Variants in CDK14 observed in about 807,000 individuals in gnomAD.
The protein encoded by CDK14 is cyclin dependent kinase 14.
In CDK14, 34 loss-of-function variants were observed where a neutral mutation model predicts 60.7. That is an observed-to-expected ratio of 0.56 (90% CI 0.43 to 0.75). The LOEUF (loss-of-function observed/expected upper bound fraction) is 0.75. Among genes scored for constraint, CDK14 ranks in the 30% least tolerant of loss-of-function variants. The probability of loss-of-function intolerance (pLI) is 0.00; values close to 1 mark genes in which losing one functional copy is unlikely to be tolerated. For synonymous variants in CDK14, 197 were observed against 203.7 expected (o/e 0.97, Z 0.28); for missense variants, 482 against 564.1 (o/e 0.85, Z 1.47).
chr7:90,843,853 T>C (rs532922533), intron 5 of CDK14, among the ~76,000 whole-genome samples: 1 of 152,290 alleles, frequency 6.6e-6, no homozygotes, highest in Non-Finnish European at 1.5e-5. Flanking sequence ...CCTCAGATAA[T>C]GGAGTTTTTG....
At chr7:90,667,211 C>T (rs1030174843) in intron 2 of CDK14, among the ~76,000 whole-genome samples, 13 of 152,078 alleles carry the variant, frequency 8.5e-5, no homozygotes, top group African/African-American at 3.1e-4. Context: ...CCTGGTATGA[C>T]CTCAATAGTA....
intron 10 of CDK14, among the ~76,000 whole-genome samples, chr7:90,989,538 A>G (rs1025001610): frequency 6.6e-6 from 1 of 152,218 alleles, no homozygotes; most frequent in African/African-American, 2.4e-5. Flanking sequence ...GTCAGCCTGT[A>G]GTAATGACCA....
chr7:90,614,422 C>A (rs1242588948), intron 2 of CDK14, among the ~76,000 whole-genome samples: 1 of 130,448 alleles, frequency 7.7e-6, no homozygotes, highest in African/African-American at 2.9e-5. Context: ...TTCTTTAGGT[C>A]TCATCAGCGT....
chr7:90,714,078 C>G (rs1197988648), intron 2 of CDK14, among the ~76,000 whole-genome samples: 1 of 152,018 alleles, frequency 6.6e-6, no homozygotes. Flanking sequence ...GCCCAAGATC[C>G]TTCTGTAGTT....
intron 10 of CDK14, among the ~76,000 whole-genome samples, chr7:90,995,705 A>G (rs1795662880): frequency 6.6e-6 from 1 of 152,192 alleles, no homozygotes; most frequent in Non-Finnish European, 1.5e-5. Context: ...CTAAATGCCA[A>G]ATCTGCTTAC....
chr7:90,789,537 A>G (rs1372688711), intron 4 of CDK14, among the ~76,000 whole-genome samples: 1 of 152,166 alleles, frequency 6.6e-6, no homozygotes, highest in East Asian at 1.9e-4. Flanking sequence ...TGTAAAAAAT[A>G]CAGTATAACA....
At chr7:90,714,381 G>T (rs9886319) in intron 2 of CDK14, among the ~76,000 whole-genome samples, 114,372 of 151,990 alleles carry the variant, frequency 0.75, 43,449 homozygotes, top group East Asian at 0.99. Flanking sequence ...TCCCACTGCT[G>T]TGCTCTATTC....
intron 3 of CDK14, among the ~76,000 whole-genome samples, chr7:90,735,424 C>T (rs1803053867): frequency 6.6e-6 from 1 of 152,208 alleles, no homozygotes; most frequent in South Asian, 2.1e-4. Context: ...CGCCCCTTTC[C>T]CCCGTTGCTC....
chr7:90,623,502 T>G (rs1157562188), intron 2 of CDK14, among the ~76,000 whole-genome samples: 1 of 152,216 alleles, frequency 6.6e-6, no homozygotes, highest in Non-Finnish European at 1.5e-5. Flanking sequence ...AAAGCACAAC[T>G]GAAAAGGAAA....
intron 14 of CDK14, among the ~76,000 whole-genome samples, chr7:91,154,260 T>C (rs1800912291): frequency 6.6e-6 from 1 of 151,692 alleles, no homozygotes; most frequent in Non-Finnish European, 1.5e-5. Context: ...TATTTCCCCA[T>C]GTCATCAAAT....
chr7:91,109,503 A>G (rs570105850), intron 12 of CDK14, among the ~76,000 whole-genome samples: 18 of 152,174 alleles, frequency 1.2e-4, no homozygotes, highest in Non-Finnish European at 2.5e-4. Flanking sequence ...AAATAGTTCT[A>G]TCTAAAATAA....
At position 91,054,582 on chromosome 7, in the gene CDK14, T is replaced by A. The variant is rs73398949; in HGVS notation, c.1105+8622T>A. Among the ~76,000 whole-genome samples, 1,158 of 152,168 alleles carry A rather than the reference T, an allele frequency of 7.6e-3. 18 individuals are homozygous for A. Among genetic ancestry groups the A allele is most frequent in the African/African-American group, 0.026 (1,097 of 41,524 alleles). ...TGGTTGAGCCAGCCATACTGGGAGG[T>A]CACTGGTGGTTGCTGGAGAGCAGAT... On this transcript the variant is annotated intron_variant, in intron 11 of 14. Transcript: ENST00000380050.
intron 2 of CDK14, 60 bp from the exon 3 acceptor site, chr7:90,726,507 A>G (rs1802637802): frequency 3.2e-6 from 5 of 1,538,822 alleles, no homozygotes; most frequent in Non-Finnish European, 4.4e-6. Flanking sequence ...ATATATTGGC[A>G]TGTTTAGTGA....
intron 10 of CDK14, among the ~76,000 whole-genome samples, chr7:90,984,959 G>A (rs1488383494): frequency 6.6e-6 from 1 of 152,188 alleles, no homozygotes; most frequent in Non-Finnish European, 1.5e-5. Flanking sequence ...GACATGACAA[G>A]TCAATGTTAT....
chr7:90,807,795 G>A (rs1788916561), intron 5 of CDK14, among the ~76,000 whole-genome samples: 1 of 152,098 alleles, frequency 6.6e-6, no homozygotes. Context: ...TGAAAACCAA[G>A]GCACAAGAAC....
At chr7:90,641,859 C>T (rs545234923) in intron 2 of CDK14, among the ~76,000 whole-genome samples, 5 of 152,176 alleles carry the variant, frequency 3.3e-5, no homozygotes, top group Non-Finnish European at 7.3e-5. Flanking sequence ...CTTACAGTTC[C>T]ACGTGGCTGG....
intron 11 of CDK14, among the ~76,000 whole-genome samples, chr7:91,066,268 C>T (rs1459899593): frequency 1.3e-5 from 2 of 152,062 alleles, no homozygotes; most frequent in Non-Finnish European, 2.9e-5. Context: ...ATTGTTTATA[C>T]TATATGATGT....
intron 5 of CDK14, among the ~76,000 whole-genome samples, chr7:90,812,908 C>G (rs555702625): frequency 1.3e-5 from 2 of 152,142 alleles, no homozygotes; most frequent in Non-Finnish European, 2.9e-5. Context: ...TGACTTCACT[C>G]CTGGGTATTG....
rs535919358 is a variant in CDK14, at chr7:90,711,827, AT to A, written c.124-14739del. On this transcript the variant is annotated intron_variant, in intron 2 of 14. Transcript: ENST00000380050. ...AAACATTTTTGGAGTCTGTTGTGTAATAGTGGTGAGTAAAACAGATCTAGTC... is the reference window on the plus strand; with the variant it reads ...AAACATTTTTGGAGTCTGTTGTGTAAAGTGGTGAGTAAAACAGATCTAGTC... Among the ~76,000 whole-genome samples the A allele has an allele frequency of 2.7e-5, 4 of 150,698 alleles. No individual in the cohort carries two copies. In the South Asian group the frequency reaches 8.4e-4, roughly 32 times the overall value.
Sources: allele counts gnomAD v4.1 joint callset (sites outside exome capture counted in the v4.1 genomes callset), GRCh38; gene constraint gnomAD v4.1.1; transcripts MANE v1.5; gene names NCBI Gene and HGNC (gene_info 2026-07-23, HGNC 2026-07-21).